The following SULT2A1 variants were observed in gnomAD, a reference collection of about 807,000 sequenced individuals.
SULT2A1 encodes the protein sulfotransferase 2A1.
Under a neutral mutation model 33.9 loss-of-function variants are expected in SULT2A1, and 43 were observed. That is an observed-to-expected ratio of 1.27 (90% CI 1.00 to 1.64). The LOEUF (loss-of-function observed/expected upper bound fraction) is 1.64, where lower values mean the gene tolerates loss of function less well. Among genes scored for constraint, SULT2A1 ranks in the 40% most tolerant of loss-of-function variants. SULT2A1 has a pLI of 0.00. For missense variants in SULT2A1, 300 were observed against 335.1 expected (o/e 0.90, Z 0.82); for synonymous variants, 125 against 113.6 (o/e 1.10, Z -0.64).
rs761236594 is a variant in SULT2A1 at position 47,871,448 on chromosome 19, T to C, written c.*7A>G. ...TTCTCCATATAAGATCCAGAGTGTT[T>C]TGGACGTTATTCCCATGGGAACAGC... On this transcript the variant is annotated 3_prime_UTR_variant, in exon 6 of 6. Transcript: ENST00000222002. 3 of 1,599,906 alleles carry C rather than the reference T, an allele frequency of 1.9e-6. No individual in the cohort carries two copies. The highest frequency in any genetic ancestry group is 2.6e-6 in the Non-Finnish European group (3 of 1,167,240).
intron 3 of SULT2A1, among the ~76,000 whole-genome samples, chr19:47,880,461 A>G (rs1968592811): frequency 6.6e-6 from 1 of 151,978 alleles, no homozygotes; most frequent in South Asian, 2.1e-4. Flanking sequence ...GACAGAATCA[A>G]GCTAATTAAC....
In SULT2A1 at chr19:47,882,336, C is replaced by A; in HGVS notation, c.346-126G>T. 6 of 1,206,924 alleles carry A rather than the reference C, an allele frequency of 5.0e-6. No individual in the cohort carries two copies. In the South Asian group the frequency reaches 7.8e-5, roughly 16 times the overall value. The allele number at this position is 1,206,924 out of a possible 1,614,324, so 74.8% of individuals were successfully genotyped here. A position where few individuals can be genotyped will look rare whatever the true frequency, so the allele number is the denominator to read the frequency against. On this transcript the variant is annotated intron_variant, in intron 2 of 5. Coordinates refer to ENST00000222002, the MANE Select transcript of SULT2A1 (RefSeq NM_003167.4). ...TAATAATATCAATGGATTCTTTTAA[C>A]AAATTACTTACTGCACTCACTAATC...
At chr19:47,874,941 C>T in intron 4 of SULT2A1, 107 bp from the exon 5 acceptor site, 1 of 947,832 alleles carries the variant, frequency 1.1e-6, no homozygotes, top group South Asian at 1.6e-5. Flanking sequence ...GCGGTTGGAT[C>T]ACTTGAGATC....
chr19:47,874,603 G>C, intron 5 of SULT2A1, 54 bp downstream of exon 5: 3 of 1,412,560 alleles, frequency 2.1e-6, no homozygotes, highest in Non-Finnish European at 2.9e-6. Flanking sequence ...TGTGACCATA[G>C]GCATGCATGC....
At chr19:47,874,928 G>T in intron 4 of SULT2A1, 94 bp from the exon 5 acceptor site, 10 of 1,096,188 alleles carry the variant, frequency 9.1e-6, no homozygotes, top group Non-Finnish European at 1.3e-5. Flanking sequence ...CTGGGAGGCT[G>T]AGGCGGTTGG....
Position 47,871,437 on chromosome 19 carries a change from T to A in SULT2A1, c.*18A>T. 6.4e-7 allele frequency: 1 copy of A among 1,561,042 alleles called. No individual in the cohort carries two copies. The highest frequency in any genetic ancestry group is 8.8e-7 in the Non-Finnish European group (1 of 1,131,798). ...AATCAATGTCATTCTCCATATAAGA[T>A]CCAGAGTGTTTTGGACGTTATTCCC... On this transcript the variant is annotated 3_prime_UTR_variant, in exon 6 of 6. Transcript: ENST00000222002.
intron 5 of SULT2A1, among the ~76,000 whole-genome samples, chr19:47,872,664 A>G (rs1968504108): frequency 6.6e-6 from 1 of 151,694 alleles, no homozygotes. Flanking sequence ...CATAACACAT[A>G]TCATGTAGGA....
Position 47,879,132 on chromosome 19 carries a change from T to A in SULT2A1, c.473-2A>T. ...GGTCAAACCATGACCCATATAGCACTGCATGGGGTGGCAGAAAAAGTGATA... is the reference window on the plus strand; with the variant it reads ...GGTCAAACCATGACCCATATAGCACAGCATGGGGTGGCAGAAAAAGTGATA... On this transcript the variant is annotated splice_acceptor_variant, in intron 3 of 5. Coordinates refer to ENST00000222002, the MANE Select transcript of SULT2A1 (RefSeq NM_003167.4). LOFTEE classifies it high-confidence loss of function. 1 of 1,601,830 alleles carries A rather than the reference T, an allele frequency of 6.2e-7. No individual in the cohort carries two copies. Among genetic ancestry groups the A allele is most frequent in the Non-Finnish European group, 8.6e-7 (1 of 1,169,064 alleles).
intron 4 of SULT2A1, among the ~76,000 whole-genome samples, chr19:47,876,009 A>T (rs568258062): frequency 1.2e-3 from 185 of 152,184 alleles, no homozygotes; most frequent in African/African-American, 1.9e-3. Flanking sequence ...TTTTATTTTT[A>T]AAATTTTATT....
intron 4 of SULT2A1, among the ~76,000 whole-genome samples, chr19:47,878,718 T>A (rs1179583601): frequency 6.6e-6 from 1 of 151,254 alleles, no homozygotes; most frequent in East Asian, 2.0e-4. Context: ...GGTTTTATCA[T>A]CTTGTCCAGG....
Sources: gnomAD v4.1 joint callset for allele counts (sites outside exome capture counted in the v4.1 genomes callset) on GRCh38, gnomAD v4.1.1 for gene constraint, MANE v1.5 for transcripts, NCBI Gene and HGNC (gene_info 2026-07-23, HGNC 2026-07-21) for gene names.